Variants in METTL14 observed in about 807,000 individuals in gnomAD.
METTL14 encodes the protein methyltransferase 14, N6-adenosine-methyltransferase non-catalytic subunit.
A neutral mutation model predicts 62.4 loss-of-function variants in METTL14; 32 were observed. The ratio of observed to expected loss-of-function variants is 0.51; its 90% CI spans 0.39 to 0.69. METTL14 has a LOEUF of 0.69. Ranked by LOEUF, METTL14 falls within the 30% of genes least tolerant of loss-of-function variation. METTL14 has a pLI of 0.00. For synonymous variants in METTL14, 150 were observed against 180.0 expected, an observed-to-expected ratio of 0.83 and a Z score of 1.34; for missense variants, 340 against 551.9, an observed-to-expected ratio of 0.62 and a Z score of 3.85.
rs748035161 is a variant in METTL14, at chr4:118,710,073, C to T, written c.1142C>T (p.Pro381Leu). ...AETYASYFSA[P>L]NSYLTGCTEE... ...ACATATGCATCCTATTTCAGTGCTC[C>T]TAATTCCTACTTGACTGGTTGTACA... The change falls in exon 11 of 11, where the codon CCT (proline) becomes CTT (leucine). Residue 381 changes from proline to leucine, a missense_variant. This residue lies in a region of METTL14 where 62 missense variants were observed against 82.3 expected (regional missense o/e 0.75). Coordinates refer to ENST00000388822, the MANE Select transcript of METTL14 (RefSeq NM_020961.4). 1.9e-6 allele frequency: 3 copies of T among 1,614,206 alleles called. No homozygotes were observed. The highest frequency in any genetic ancestry group is 2.2e-5 in the South Asian group (2 of 91,080).
intron 8 of METTL14, among the ~76,000 whole-genome samples, chr4:118,703,171 T>A (rs1339802781): frequency 2.6e-5 from 4 of 152,042 alleles, no homozygotes. Context: ...AGCAATACTG[T>A]ACTTATTTGT....
intron 1 of METTL14, 118 bp downstream of exon 1, chr4:118,685,718 C>G (rs1460315718): frequency 1.2e-6 from 1 of 838,202 alleles, no homozygotes. Flanking sequence ...TAAGGCCTTT[C>G]TGGTCCTGCG....
intron 1 of METTL14, among the ~76,000 whole-genome samples, 168 bp from the exon 2 acceptor site, chr4:118,687,755 C>T (rs1560875754): frequency 6.6e-6 from 1 of 151,952 alleles, no homozygotes; most frequent in Non-Finnish European, 1.5e-5. Flanking sequence ...CAGAGTTTTT[C>T]CAGTTTGTCT....
At chr4:118,689,648 C>CT (rs70941199) in intron 3 of METTL14, among the ~76,000 whole-genome samples, 191 bp downstream of exon 3, 37,882 of 143,552 alleles carry the variant, frequency 0.26, 6,035 homozygotes, top group East Asian at 0.5. Context: ...TTTTCTTTTC[C>CT]TTTTTTTTTT....
intron 6 of METTL14, 34 bp from the exon 7 acceptor site, chr4:118,697,148 T>A (rs955379565): frequency 2.0e-6 from 3 of 1,535,684 alleles, no homozygotes; most frequent in Non-Finnish European, 2.6e-6. Flanking sequence ...AGCATTTTTT[T>A]AAAAACCTCA....
chr4:118,702,938 T>TTTACTA (rs550550749), intron 8 of METTL14, among the ~76,000 whole-genome samples: 29 of 135,148 alleles, frequency 2.1e-4, no homozygotes, highest in African/African-American at 7.4e-4. Context: ...GTTGGAAGGT[T>TTTACTA]TTATTATTAT....
chr4:118,685,409 A>T lies in METTL14; in HGVS notation c.-126A>T. ...CGCGCCGGAAGTCTCTACTGAGGAA[A>T]GCTATGAGGATACTCTGTTCGTAAG... On this transcript the variant is annotated 5_prime_UTR_variant, in exon 1 of 11. The change creates a new upstream start codon in the 5' untranslated region. Coordinates refer to ENST00000388822, the MANE Select transcript of METTL14 (RefSeq NM_020961.4). The T allele has an allele frequency of 1.1e-6, 1 of 943,956 alleles. No homozygotes were observed. Among genetic ancestry groups the T allele is most frequent in the Non-Finnish European group, 1.7e-6 (1 of 591,270 alleles). The allele number at this position is 943,956 out of a possible 1,614,324, so 58.5% of individuals were successfully genotyped here.
chr4:118,700,508 A>G, intron 7 of METTL14, 42 bp from the exon 8 acceptor site: 1 of 1,500,310 alleles, frequency 6.7e-7, no homozygotes, highest in Non-Finnish European at 9.3e-7. Context: ...GATGAATGGG[A>G]AACAAAATAC....
rs1485088275 is a variant in METTL14 at position 118,715,407 on chromosome 4, A to G, written c.*5105A>G. ...TTTATGTATTGTGGTGGGTACCTTA[A>G]TAATAAAAAGATTTTTAATGTAATA... On this transcript the variant is annotated 3_prime_UTR_variant, in exon 11 of 11. Coordinates refer to ENST00000388822, the MANE Select transcript of METTL14 (RefSeq NM_020961.4). The G allele has an allele frequency of 2.0e-5, 3 of 152,222 alleles. No individual in the cohort carries two copies. The East Asian group carries it at 5.8e-4, about 29-fold the overall frequency. 9.4% of individuals were successfully genotyped at this position (152,222 alleles called of 1,614,324 possible). A position where few individuals can be genotyped will look rare whatever the true frequency, so the allele number is the denominator to read the frequency against.
At chr4:118,687,003 A>C (rs534224738) in intron 1 of METTL14, among the ~76,000 whole-genome samples, 2 of 152,374 alleles carry the variant, frequency 1.3e-5, no homozygotes, top group Admixed American at 1.3e-4. Flanking sequence ...AAATAGTAAG[A>C]CTTAGCTTGA....
intron 6 of METTL14, among the ~76,000 whole-genome samples, chr4:118,695,757 A>G (rs181593776): frequency 2.7e-4 from 41 of 152,266 alleles, no homozygotes; most frequent in African/African-American, 9.4e-4. Flanking sequence ...AGAAATGTAT[A>G]TGAGATCTTT....
intron 5 of METTL14, 39 bp from the exon 6 acceptor site, chr4:118,694,397 G>C: frequency 6.5e-7 from 1 of 1,539,376 alleles, no homozygotes; most frequent in Non-Finnish European, 8.9e-7. Context: ...ATTAACTTCA[G>C]TTGAGATGAA....
intron 7 of METTL14, among the ~76,000 whole-genome samples, chr4:118,698,850 CAT>C (rs1370962867): frequency 1.3e-5 from 2 of 152,088 alleles, no homozygotes; most frequent in African/African-American, 2.4e-5. Context: ...TTTCAAAATA[CAT>C]ATTTTAGAGG....
At chr4:118,696,278 T>C (rs1579070139) in intron 6 of METTL14, among the ~76,000 whole-genome samples, 1 of 152,054 alleles carries the variant, frequency 6.6e-6, no homozygotes, top group East Asian at 1.9e-4. Context: ...TTTATTTATT[T>C]AAATAGAGAC....
Position 118,714,543 on chromosome 4 carries a change from C to T in METTL14, c.*4241C>T, listed in dbSNP as rs1159338693. ...TTTGCTTACATTTGCATTCATAGAACTAAAAAAAATTTAACTTGGCTAACA... is the reference window on the plus strand; with the variant it reads ...TTTGCTTACATTTGCATTCATAGAATTAAAAAAAATTTAACTTGGCTAACA... On this transcript the variant is annotated 3_prime_UTR_variant, in exon 11 of 11. Transcript: ENST00000388822. The T allele has an allele frequency of 6.6e-6, 1 of 152,162 alleles. No homozygotes were observed. The highest frequency in any genetic ancestry group is 2.4e-5 in the African/African-American group (1 of 41,420). The allele number at this position is 152,162 out of a possible 1,614,324, so 9.4% of individuals were successfully genotyped here. A position where few individuals can be genotyped will look rare whatever the true frequency, so the allele number is the denominator to read the frequency against.
At chr4:118,696,617 T>C (rs1179940764) in intron 6 of METTL14, among the ~76,000 whole-genome samples, 1 of 152,170 alleles carries the variant, frequency 6.6e-6, no homozygotes, top group Non-Finnish European at 1.5e-5. Flanking sequence ...TTTCATGCTA[T>C]GTGACAATAA....
At position 118,710,113 on chromosome 4, in the gene METTL14, A is replaced by G; in HGVS notation, c.1182A>G (p.Arg394=). The G allele has an allele frequency of 1.2e-6, 2 of 1,614,212 alleles. No individual in the cohort carries two copies. The highest frequency in any genetic ancestry group is 8.5e-7 in the Non-Finnish European group (1 of 1,180,040). Residue 394 remains arginine (R), a synonymous_variant, in exon 11 of 11, where the codon AGA becomes AGG. Coordinates refer to ENST00000388822, the MANE Select transcript of METTL14 (RefSeq NM_020961.4). ...YLTGCTEEIE[R]LRPKSPPPKS... is the part of the protein sequence containing the mutation. The stretch of plus-strand genomic sequence containing the variant: ...CTGGTTGTACAGAAGAAATTGAGAG[A>G]CTTCGACCAAAATCGCCTCCTCCCA...
intron 5 of METTL14, among the ~76,000 whole-genome samples, chr4:118,692,459 G>A (rs894410076): frequency 1.3e-5 from 2 of 151,724 alleles, no homozygotes; most frequent in African/African-American, 4.8e-5. Flanking sequence ...GAACTCCCGA[G>A]GTTTCACCAT....
Position 118,687,958 on chromosome 4 carries a change from G to C in METTL14, c.102G>C (p.Val34=). ...GAESADSIGA[V]LNSKDEQREI... ...AAAGTGCCGACAGCATTGGTGCCGT[G>C]TTAAATAGCAAAGATGAGCAGAGAG... The change falls in exon 2 of 11, where the codon GTG becomes GTC. Residue 34 remains valine (V), a synonymous_variant. Transcript: ENST00000388822. 6.2e-7 allele frequency: 1 copy of C among 1,612,092 alleles called. No individual in the cohort carries two copies. The highest frequency in any genetic ancestry group is 8.5e-7 in the Non-Finnish European group (1 of 1,178,980).
Sources: allele counts gnomAD v4.1 joint callset (sites outside exome capture counted in the v4.1 genomes callset), GRCh38; gene constraint gnomAD v4.1.1; regional missense constraint gnomAD v4.1.1; transcripts MANE v1.5; gene names NCBI Gene and HGNC (gene_info 2026-07-23, HGNC 2026-07-21).